The following NRG1 variants were observed in gnomAD, a reference collection of about 807,000 sequenced individuals.
NRG1 encodes pro-neuregulin-1, membrane-bound isoform.
NRG1 carries 18 observed loss-of-function variants against 63.8 expected under a neutral mutation model. The ratio of observed to expected loss-of-function variants is 0.28; its 90% CI spans 0.19 to 0.42. NRG1 has a LOEUF of 0.42. NRG1 is among the 10% of genes least tolerant of loss of function. The pLI, the probability that NRG1 is intolerant of heterozygous loss-of-function variation, is 1.00. For missense variants in NRG1, 762 were observed against 814.7 expected (o/e 0.94, Z 0.79); for synonymous variants, 302 against 301.3 (o/e 1.00, Z -0.02).
rs191364894 is a variant in NRG1, at chr8:32,252,227, T to C, written c.38-343601T>C. 2.8e-3 allele frequency among the ~76,000 whole-genome samples: 421 copies of C among 152,308 alleles called. 1 individual carries two copies. Among genetic ancestry groups the C allele is most frequent in the Admixed American group, 5.1e-3 (78 of 15,294 alleles). On this transcript the variant is annotated intron_variant, in intron 1 of 10. Transcript: ENST00000519301. ...AGATCCTGTTCATCAATTTTGGATT[T>C]TGTTGCCATTGCTTTTGGTGTTTTA...
intron 1 of NRG1, among the ~76,000 whole-genome samples, chr8:31,808,947 A>ATT (rs1326925643): frequency 8.5e-5 from 13 of 152,106 alleles, no homozygotes; most frequent in African/African-American, 2.9e-4. Context: ...CTTTTCAGAA[A>ATT]ATGCCTGTAG....
At chr8:32,121,064 G>T (rs1833382506) in intron 1 of NRG1, among the ~76,000 whole-genome samples, 1 of 151,722 alleles carries the variant, frequency 6.6e-6, no homozygotes, top group Admixed American at 6.6e-5. Flanking sequence ...GGGATGCAGT[G>T]GTTATAAATT....
chr8:32,334,780 C>T (rs748598031), intron 1 of NRG1, among the ~76,000 whole-genome samples: 5 of 152,214 alleles, frequency 3.3e-5, no homozygotes, highest in South Asian at 2.1e-4. Flanking sequence ...TGTGACATAT[C>T]TGTTTTCTGT....
chr8:31,946,569 T>C (rs1003520143), intron 1 of NRG1, among the ~76,000 whole-genome samples: 3 of 151,826 alleles, frequency 2.0e-5, no homozygotes, highest in African/African-American at 7.3e-5. Context: ...TTAGAGAATA[T>C]CTGTGATGCA....
intron 1 of NRG1, among the ~76,000 whole-genome samples, chr8:31,708,595 G>A (rs1045652813): frequency 6.6e-6 from 1 of 151,266 alleles, no homozygotes; most frequent in Admixed American, 6.6e-5. Flanking sequence ...ACAGGCGCCC[G>A]CCACTACGCC....
chr8:31,992,914 AAATAATAAT>A (rs896785126), intron 1 of NRG1, among the ~76,000 whole-genome samples: 2 of 152,004 alleles, frequency 1.3e-5, no homozygotes, highest in African/African-American at 4.8e-5. Flanking sequence ...TCTTCCAAAA[AAATAATAAT>A]AACAAGTTAT....
At chr8:31,893,984 T>A (rs936461676) in intron 1 of NRG1, among the ~76,000 whole-genome samples, 1 of 152,112 alleles carries the variant, frequency 6.6e-6, no homozygotes, top group Non-Finnish European at 1.5e-5. Context: ...TAAAATGCAG[T>A]ACCATTCAGT....
chr8:32,383,061 A>T (rs1165060599), intron 1 of NRG1, among the ~76,000 whole-genome samples: 1 of 119,074 alleles, frequency 8.4e-6, no homozygotes, highest in Non-Finnish European at 1.8e-5. Context: ...GTCCCTACTA[A>T]AAAAAAAAAA....
chr8:32,662,750 G>A (rs1180114070), intron 5 of NRG1, among the ~76,000 whole-genome samples: 1 of 152,122 alleles, frequency 6.6e-6, no homozygotes, highest in African/African-American at 2.4e-5. Context: ...AGTGAGAGGA[G>A]TCAAGGCTGA....
chr8:32,679,323 A>C (rs1447520013), intron 5 of NRG1, among the ~76,000 whole-genome samples: 1 of 152,184 alleles, frequency 6.6e-6, no homozygotes, highest in Non-Finnish European at 1.5e-5. Flanking sequence ...AATCCTTAAC[A>C]ATATATAGTA....
intron 1 of NRG1, among the ~76,000 whole-genome samples, chr8:32,103,989 TC>T (rs1252331435): frequency 2.0e-5 from 3 of 152,176 alleles, no homozygotes; most frequent in African/African-American, 4.8e-5. Flanking sequence ...ACTGTTGTAG[TC>T]CAAATAGTCT....
intron 1 of NRG1, among the ~76,000 whole-genome samples, chr8:32,151,757 G>C (rs976130771): frequency 1.3e-5 from 2 of 152,166 alleles, no homozygotes; most frequent in East Asian, 1.9e-4. Context: ...CTAGAGCCAA[G>C]CTGTATTCTC....
intron 3 of NRG1, among the ~76,000 whole-genome samples, chr8:32,606,807 T>TA (rs1372884991): frequency 6.6e-6 from 1 of 152,104 alleles, no homozygotes; most frequent in Non-Finnish European, 1.5e-5. Context: ...AGTGATAAGG[T>TA]AAAAATGCCA....
chr8:32,143,238 T>TC (rs1836483081), intron 1 of NRG1, among the ~76,000 whole-genome samples: 1 of 151,412 alleles, frequency 6.6e-6, no homozygotes, highest in Non-Finnish European at 1.5e-5. Flanking sequence ...TTAAGGCTTT[T>TC]TTTTTGGGGG....
chr8:32,023,546 T>C (rs141422231), intron 1 of NRG1, among the ~76,000 whole-genome samples: 364 of 152,282 alleles, frequency 2.4e-3, no homozygotes, highest in Non-Finnish European at 3.9e-3. Flanking sequence ...GGCATTTTAA[T>C]GGCTGAGGTG....
At chr8:32,301,434 A>G (rs946694138) in intron 1 of NRG1, among the ~76,000 whole-genome samples, 3 of 152,226 alleles carry the variant, frequency 2.0e-5, no homozygotes, top group Non-Finnish European at 2.9e-5. Context: ...GACCCAGGGT[A>G]TGCTTTGGCT....
chr8:32,073,245 A>G (rs1273630083), intron 1 of NRG1, among the ~76,000 whole-genome samples: 2 of 152,184 alleles, frequency 1.3e-5, no homozygotes, highest in African/African-American at 4.8e-5. Flanking sequence ...AGCTAATGCA[A>G]CGTTTCCATT....
At chr8:32,572,397 C>T (rs963182399) in intron 1 of NRG1, among the ~76,000 whole-genome samples, 2 of 152,080 alleles carry the variant, frequency 1.3e-5, no homozygotes, top group Non-Finnish European at 2.9e-5. Flanking sequence ...TCTAAGATAT[C>T]ATTTAAAATT....
intron 11 of NRG1, chr8:32,763,111 T>C (rs1048202989): frequency 1.2e-5 from 14 of 1,170,992 alleles, no homozygotes; most frequent in Non-Finnish European, 1.7e-5. Context: ...TAGTTCCAAA[T>C]TGAATGTTAA....
Sources: gnomAD v4.1 joint callset for allele counts (sites outside exome capture counted in the v4.1 genomes callset) on GRCh38, gnomAD v4.1.1 for gene constraint, MANE v1.5 for transcripts, NCBI Gene and HGNC (gene_info 2026-07-23, HGNC 2026-07-21) for gene names.